The following SWT1 variants were observed in gnomAD, a reference collection of about 807,000 sequenced individuals.
The protein encoded by SWT1 is SWT1 RNA endoribonuclease homolog.
In SWT1, 33 loss-of-function variants were observed where a neutral mutation model predicts 107.3. The ratio of observed to expected loss-of-function variants is 0.31; its 90% confidence interval spans 0.23 to 0.41. The LOEUF is 0.41. Among genes scored for constraint, SWT1 ranks in the 10% least tolerant of loss-of-function variants. SWT1 has a pLI of 1.00. For synonymous variants in SWT1, 345 were observed against 348.3 expected (o/e 0.99, Z 0.11); for missense variants, 898 against 1,028.9 (o/e 0.87, Z 1.74).
intron 16 of SWT1, among the ~76,000 whole-genome samples, chr1:185,259,776 G>A (rs1439355439): frequency 6.6e-6 from 1 of 151,986 alleles, no homozygotes; most frequent in Admixed American, 6.5e-5. Flanking sequence ...TATCTGTTTA[G>A]ACCACTTACT....
chr1:185,242,304 C>T (rs906566132), intron 16 of SWT1, among the ~76,000 whole-genome samples: 4 of 152,016 alleles, frequency 2.6e-5, no homozygotes, highest in Non-Finnish European at 5.9e-5. Flanking sequence ...ACGTATCAGT[C>T]GGACTGAATT....
At chr1:185,282,890 C>A (rs1001984910) in intron 18 of SWT1, among the ~76,000 whole-genome samples, 1 of 152,120 alleles carries the variant, frequency 6.6e-6, no homozygotes, top group Non-Finnish European at 1.5e-5. Flanking sequence ...TCCAGGTCGA[C>A]CAACTACCTA....
At chr1:185,277,010 T>C (rs1358068592) in intron 18 of SWT1, among the ~76,000 whole-genome samples, 1 of 152,176 alleles carries the variant, frequency 6.6e-6, no homozygotes, top group East Asian at 1.9e-4. Context: ...AAAATGTTTA[T>C]TTATTAATTC....
Position 185,271,333 on chromosome 1 carries a change from C to A in SWT1, c.2452C>A (p.Pro818Thr). The change falls in exon 17 of 19, where the codon CCA becomes ACA. Residue 818 changes from proline (P) to threonine (T), a missense_variant. This residue lies in a region of SWT1 where 382 missense variants were observed against 460.0 expected (regional missense o/e 0.83). Transcript: ENST00000367500. ...ILEGIQRILAPNSNYQDVETL... is the reference protein window; with the variant it reads ...ILEGIQRILATNSNYQDVETL... ...TATTTTATTTTTTAGGATTTTGGCC[C>A]CAAACAGTAATTATCAAGATGTTGA... 2 of 1,519,304 alleles carry A rather than the reference C, an allele frequency of 1.3e-6. No individual in the cohort carries two copies. Among genetic ancestry groups the A allele is most frequent in the Non-Finnish European group, 1.8e-6 (2 of 1,095,440 alleles). 94.1% of individuals were successfully genotyped at this position (1,519,304 alleles called of 1,614,324 possible).
At chr1:185,216,990 A>T (rs1050727985) in intron 14 of SWT1, among the ~76,000 whole-genome samples, 1 of 151,678 alleles carries the variant, frequency 6.6e-6, no homozygotes, top group African/African-American at 2.4e-5. Flanking sequence ...AAAACCAGTG[A>T]CTTGTTAATA....
Position 185,226,819 on chromosome 1 carries a change from C to T in SWT1, c.2310-4758C>T, listed in dbSNP as rs576014376. On this transcript the variant is annotated intron_variant, in intron 15 of 18. Coordinates refer to ENST00000367500, the MANE Select transcript of SWT1 (RefSeq NM_017673.7). ...AATTGTTTGGTTTAGCTCTCAGCAG[C>T]CCGCTCCTGAGCTCTGAGGAAGCTT... 3.1e-4 allele frequency: 470 copies of T among 1,497,622 alleles called. 1 individual carries two copies. Among genetic ancestry groups the T allele is most frequent in the Non-Finnish European group, 2.3e-4 (262 of 1,119,758 alleles). The allele number at this position is 1,497,622 out of a possible 1,614,324, so 92.8% of individuals were successfully genotyped here. A position where few individuals can be genotyped will look rare whatever the true frequency, so the allele number is the denominator to read the frequency against.
rs77579277 is a variant in SWT1 at position 185,168,937 on chromosome 1, C to T, written c.224+539C>T. 4.9e-3 allele frequency among the ~76,000 whole-genome samples: 739 copies of T among 152,168 alleles called. 12 individuals carry two copies. The highest frequency in any genetic ancestry group is 0.017 in the African/African-American group (716 of 41,510). Reference sequence around the variant, plus strand: ...GAAATTTTGGTGCAGAAAGTACTTGCTGCTAATGGGGATAAATAAGTATAC... The same window carrying T: ...GAAATTTTGGTGCAGAAAGTACTTGTTGCTAATGGGGATAAATAAGTATAC... On this transcript the variant is annotated intron_variant, in intron 4 of 18. Transcript: ENST00000367500.
intron 16 of SWT1, among the ~76,000 whole-genome samples, chr1:185,266,286 G>C (rs954575464): frequency 6.6e-6 from 1 of 152,144 alleles, no homozygotes; most frequent in Non-Finnish European, 1.5e-5. Flanking sequence ...GGATGGTCTC[G>C]ATCTCCTGAC....
intron 14 of SWT1, among the ~76,000 whole-genome samples, chr1:185,216,022 G>C (rs1659189804): frequency 6.6e-6 from 1 of 152,140 alleles, no homozygotes; most frequent in Admixed American, 6.6e-5. Context: ...TTCATAGTCA[G>C]ATAGGTCCCC....
chr1:185,164,541 G>GT (rs1293973932), intron 2 of SWT1, among the ~76,000 whole-genome samples: 1 of 152,192 alleles, frequency 6.6e-6, no homozygotes. Flanking sequence ...TCTCAACTAG[G>GT]TTTTTTGTAT....
At chr1:185,231,234 T>A (rs541997553) in intron 15 of SWT1, among the ~76,000 whole-genome samples, 61 of 152,318 alleles carry the variant, frequency 4.0e-4, no homozygotes, top group Admixed American at 2.4e-3. Context: ...GATCTCTAAT[T>A]TTTTTCTTCA....
At chr1:185,276,440 A>G (rs1664244654) in intron 17 of SWT1, among the ~76,000 whole-genome samples, 164 bp from the exon 18 acceptor site, 1 of 152,178 alleles carries the variant, frequency 6.6e-6, no homozygotes, top group African/African-American at 2.4e-5. Flanking sequence ...ATACAGTTCC[A>G]TGTTAGCATT....
chr1:185,265,936 A>G (rs1394328947), intron 16 of SWT1, among the ~76,000 whole-genome samples: 2 of 152,198 alleles, frequency 1.3e-5, no homozygotes, highest in Non-Finnish European at 2.9e-5. Flanking sequence ...AACTGTTTTA[A>G]ATATTATATT....
Position 185,291,751 on chromosome 1 carries a change from C to G in SWT1, c.*948C>G, listed in dbSNP as rs1665256814. ...ACATAAGGTATGATTATAAAAGTGA[C>G]TGTCTGCAATAAAAGAGAACTTGTT... On this transcript the variant is annotated 3_prime_UTR_variant, in exon 19 of 19. Coordinates refer to ENST00000367500, the MANE Select transcript of SWT1 (RefSeq NM_017673.7). 1 of 150,982 alleles carries G rather than the reference C, an allele frequency of 6.6e-6. No homozygotes were observed. Among genetic ancestry groups the G allele is most frequent in the South Asian group, 2.1e-4 (1 of 4,824 alleles). The allele number at this position is 150,982 out of a possible 1,614,324, so 9.4% of individuals were successfully genotyped here. A position where few individuals can be genotyped will look rare whatever the true frequency, so the allele number is the denominator to read the frequency against.
At chr1:185,225,138 AT>A (rs1175081419) in intron 15 of SWT1, among the ~76,000 whole-genome samples, 3 of 151,998 alleles carry the variant, frequency 2.0e-5, no homozygotes, top group African/African-American at 7.2e-5. Context: ...GGGATGTTGA[AT>A]TTTGTCAAAT....
Position 185,256,146 on chromosome 1 carries a change from A to T in SWT1, c.2442-15177A>T, listed in dbSNP as rs1252121131. Among the ~76,000 whole-genome samples the T allele has an allele frequency of 8.9e-3, 1,340 of 151,386 alleles. 16 individuals are homozygous for T. Among genetic ancestry groups the T allele is most frequent in the African/African-American group, 0.029 (1,208 of 41,372 alleles). On this transcript the variant is annotated intron_variant, in intron 16 of 18. Transcript: ENST00000367500. ...TGGCTTGTAGGGTTTCTGCCGAGAG[A>T]TCCGCTGTTAGTCTGATGGGCTTCC...
intron 10 of SWT1, among the ~76,000 whole-genome samples, chr1:185,199,548 C>T (rs1000400690): frequency 6.6e-6 from 1 of 152,288 alleles, no homozygotes; most frequent in Non-Finnish European, 1.5e-5. Context: ...TTTGAAAATT[C>T]TTTAAGATTG....
At chr1:185,176,526 G>A (rs1276591545) in intron 5 of SWT1, 1 of 965,234 alleles carries the variant, frequency 1.0e-6, no homozygotes, top group Non-Finnish European at 1.2e-6. Context: ...ACTACTTTGA[G>A]AACCTAATCT....
At chr1:185,282,926 T>A (rs751860123) in intron 18 of SWT1, among the ~76,000 whole-genome samples, 1 of 152,172 alleles carries the variant, frequency 6.6e-6, no homozygotes, top group Non-Finnish European at 1.5e-5. Flanking sequence ...CATGACTCCC[T>A]CTTCAGGTTC....
Sources: gnomAD v4.1 joint callset for allele counts (sites outside exome capture counted in the v4.1 genomes callset) on GRCh38, gnomAD v4.1.1 for gene constraint, gnomAD v4.1.1 regional missense constraint, MANE v1.5 for transcripts, NCBI Gene and HGNC (gene_info 2026-07-23, HGNC 2026-07-21) for gene names.